PCDHGC4: variants seen among roughly 807,000 people sequenced by gnomAD.
The protein encoded by PCDHGC4 is protocadherin gamma-C4.
PCDHGC4 carries 15 observed loss-of-function variants against 59.7 expected under a neutral mutation model. The ratio of observed to expected loss-of-function variants is 0.25; its 90% CI spans 0.17 to 0.39. The LOEUF (loss-of-function observed/expected upper bound fraction) is 0.39, where lower values mean the gene tolerates loss of function less well. PCDHGC4 is among the 10% of genes least tolerant of loss of function. PCDHGC4 has a pLI of 1.00. For missense variants in PCDHGC4, 1,016 were observed against 1,189.5 expected (o/e 0.85, Z 2.15); for synonymous variants, 434 against 481.4 (o/e 0.90, Z 1.29).
chr5:141,511,695 C>A lies in PCDHGC4; in HGVS notation c.*522C>A, dbSNP rs1009832192. The A allele has an allele frequency of 9.7e-5, 19 of 195,544 alleles. No individual in the cohort carries two copies. The highest frequency in any genetic ancestry group is 1.7e-4 in the Non-Finnish European group (16 of 92,634). 12.1% of individuals were successfully genotyped at this position (195,544 alleles called of 1,614,324 possible). A position where few individuals can be genotyped will look rare whatever the true frequency, so the allele number is the denominator to read the frequency against. On this transcript the variant is annotated 3_prime_UTR_variant, in exon 4 of 4. Transcript: ENST00000306593. ...CTTCCCCCAAAGCATGGTTTGGTGC[C>A]AGCCCCTTCACCTCCTTCCAGAGCC...
chr5:141,485,949 T>C lies in PCDHGC4; in HGVS notation c.776T>C (p.Met259Thr). ...ISVLESAPAG[M>T]VLIQLNASDP... Reference sequence around the variant, plus strand: ...GTGTTGGAGAGCGCACCAGCGGGCATGGTGCTCATCCAGCTCAATGCCTCA... The same window carrying C: ...GTGTTGGAGAGCGCACCAGCGGGCACGGTGCTCATCCAGCTCAATGCCTCA... Residue 259 changes from methionine (M) to threonine (T), a missense_variant, in exon 1 of 4, where the codon ATG (methionine) becomes ACG (threonine). By Grantham distance (81) the Met-to-Thr change is moderately conservative. Transcript: ENST00000306593. This position sits in a 1 kb window ranked among gnomAD's most constrained non-coding sequence, Gnocchi z 5.7. 2 of 1,614,178 alleles carry C rather than the reference T, an allele frequency of 1.2e-6. No individual in the cohort carries two copies.
chr5:141,509,843 C>T (rs1596253565), intron 3 of PCDHGC4, among the ~76,000 whole-genome samples: 1 of 152,178 alleles, frequency 6.6e-6, no homozygotes, highest in African/African-American at 2.4e-5. Context: ...CTCCCATTCA[C>T]TCAGAACAGG....
In PCDHGC4 at chr5:141,489,456, G is replaced by A. The variant is rs1468723020; in HGVS notation, c.2442+1841G>A. The A allele has an allele frequency of 1.2e-6, 2 of 1,614,050 alleles. No homozygotes were observed. Among genetic ancestry groups the A allele is most frequent in the Non-Finnish European group, 1.7e-6 (2 of 1,180,016 alleles). ...TGCAATTGGGCTCTGAGGAGAATGG[G>A]CGCTATTTTTCCCTGAGCTTGATGA... On this transcript the variant is annotated intron_variant, in intron 1 of 3. Transcript: ENST00000306593. This position sits in a 1 kb window ranked among gnomAD's most constrained non-coding sequence, Gnocchi z 4.5.
chr5:141,510,252 G>A (rs1342841474), intron 3 of PCDHGC4, among the ~76,000 whole-genome samples: 4 of 148,432 alleles, frequency 2.7e-5, no homozygotes, highest in Admixed American at 1.3e-4. Context: ...CAGGCTGGGC[G>A]ACAGAGCAGG....
chr5:141,500,189 TTTA>T (rs780229863), intron 2 of PCDHGC4, among the ~76,000 whole-genome samples: 5,656 of 110,928 alleles, frequency 0.051, 122 homozygotes, highest in Middle Eastern at 0.14. Context: ...TTTATTTTTA[TTTA>T]TTTATTTATT....
In PCDHGC4 at chr5:141,503,993, C is replaced by T. The variant is rs376134059; in HGVS notation, c.2502-1400C>T. Reference sequence around the variant, plus strand: ...GTGCCAAACCCTTCTTCTTACCTTACAGTCACTTAACTGTCTCTGCTGGTC... The same window carrying T: ...GTGCCAAACCCTTCTTCTTACCTTATAGTCACTTAACTGTCTCTGCTGGTC... On this transcript the variant is annotated intron_variant, in intron 2 of 3. Transcript: ENST00000306593. Among the ~76,000 whole-genome samples, 13 of 152,312 alleles carry T rather than the reference C, an allele frequency of 8.5e-5. 1 individual carries two copies. In the East Asian group the frequency reaches 1.7e-3, roughly 20 times the overall value.
intron 2 of PCDHGC4, among the ~76,000 whole-genome samples, chr5:141,499,301 TC>T (rs771049830): frequency 6.6e-6 from 1 of 152,166 alleles, no homozygotes; most frequent in Non-Finnish European, 1.5e-5. Context: ...CTACCATCCC[TC>T]CTCTGAGAGA....
At chr5:141,504,429 G>T (rs947508365) in intron 2 of PCDHGC4, among the ~76,000 whole-genome samples, 1 of 152,124 alleles carries the variant, frequency 6.6e-6, no homozygotes, top group Non-Finnish European at 1.5e-5. Context: ...CACTACAACA[G>T]CTGCAGTGTG....
In PCDHGC4 at chr5:141,490,084, G is replaced by A. The variant is rs772917260; in HGVS notation, c.2442+2469G>A. The A allele has an allele frequency of 4.3e-6, 7 of 1,614,104 alleles. No individual in the cohort carries two copies. ...CAACGGCCAACTAGACTATTCTTTT[G>A]GAGACCACACATCTGAGGCAGTGCG... On this transcript the variant is annotated intron_variant, in intron 1 of 3. Transcript: ENST00000306593. The surrounding 1 kb of genome is among the most constrained non-coding windows in gnomAD (Gnocchi z 5.4).
intron 3 of PCDHGC4, among the ~76,000 whole-genome samples, chr5:141,509,381 C>T (rs181928019): frequency 6.6e-6 from 1 of 152,256 alleles, no homozygotes; most frequent in East Asian, 1.9e-4. Flanking sequence ...TGTCTCCTAA[C>T]CACAGAGGAT....
Position 141,487,548 on chromosome 5 carries a change from G to T in PCDHGC4, c.2375G>T (p.Ser792Ile). The T allele has an allele frequency of 6.2e-7, 1 of 1,614,190 alleles. No homozygotes were observed. Among genetic ancestry groups the T allele is most frequent in the Non-Finnish European group, 8.5e-7 (1 of 1,180,038 alleles). ...SDSFMMVKSP[S>I]APMAGEPVRP... ...AGCTTCATGATGGTGAAGTCACCCA[G>T]TGCACCTATGGCAGGGGAGCCTGTT... is the stretch of plus-strand genomic sequence containing the variant. Residue 792 changes from serine to isoleucine, a missense_variant, in exon 1 of 4, where the codon AGT becomes ATT. Ser to Ile is a moderately radical substitution (Grantham distance 142). Coordinates refer to ENST00000306593, the MANE Select transcript of PCDHGC4 (RefSeq NM_018928.3). The surrounding 1 kb of genome is among the most constrained non-coding windows in gnomAD (Gnocchi z 5.0).
chr5:141,508,535 C>A (rs1294413041), intron 3 of PCDHGC4, among the ~76,000 whole-genome samples: 1 of 152,172 alleles, frequency 6.6e-6, no homozygotes, highest in Non-Finnish European at 1.5e-5. Context: ...GGGCACCCCC[C>A]ACGAGGTGGG....
chr5:141,489,804 G>A lies in PCDHGC4; in HGVS notation c.2442+2189G>A, dbSNP rs2099692572. 1 of 1,614,056 alleles carries A rather than the reference G, an allele frequency of 6.2e-7. No homozygotes were observed. The highest frequency in any genetic ancestry group is 1.3e-5 in the African/African-American group (1 of 74,932). ...TGAATGTGAAGACCCTAAAAGATGG[G>A]AAGCCATTCCCAGAGCTGGTGCTAG... On this transcript the variant is annotated intron_variant, in intron 1 of 3. Transcript: ENST00000306593. The surrounding 1 kb of genome is among the most constrained non-coding windows in gnomAD (Gnocchi z 4.5).
At position 141,486,315 on chromosome 5, in the gene PCDHGC4, C is replaced by T. The variant is rs1432435944; in HGVS notation, c.1142C>T (p.Ser381Leu). The T allele has an allele frequency of 6.2e-7, 1 of 1,614,066 alleles. No individual in the cohort carries two copies. Among genetic ancestry groups the T allele is most frequent in the East Asian group, 2.2e-5 (1 of 44,862 alleles). ...AGTGTGCAGGATCCAGACTCAGGGT[C>T]AAACGGAGATGTGAGCCTCCGCATT... The part of the protein sequence containing the change: ...LISVQDPDSG[S>L]NGDVSLRIPD... Residue 381 changes from serine (S) to leucine (L), a missense_variant, in exon 1 of 4, where the codon TCA (serine) becomes TTA (leucine). Transcript: ENST00000306593. The surrounding 1 kb of genome is among the most constrained non-coding windows in gnomAD (Gnocchi z 5.0).
rs767497197 is a variant in PCDHGC4, at chr5:141,486,350, T to C, written c.1177T>C (p.Leu393=). The C allele has an allele frequency of 6.2e-7, 1 of 1,614,128 alleles. No homozygotes were observed. Among genetic ancestry groups the C allele is most frequent in the South Asian group, 1.1e-5 (1 of 91,074 alleles). Residue 393 remains leucine (L), a synonymous_variant, in exon 1 of 4, where the codon TTG becomes CTG. Transcript: ENST00000306593. The surrounding 1 kb of genome is among the most constrained non-coding windows in gnomAD (Gnocchi z 5.0). ...TGTGAGCCTCCGCATTCCTGACCAC[T>C]TGCCATTTGCCCTCAAGTCTGCCTT... ...GDVSLRIPDH[L]PFALKSAFRN... is the part of the protein sequence containing the mutation.
rs1229623400 is a variant in PCDHGC4, at chr5:141,505,984, T to A, written c.2590+503T>A. 4.6e-5 allele frequency among the ~76,000 whole-genome samples: 7 copies of A among 152,198 alleles called. No homozygotes were observed. In the East Asian group the frequency reaches 1.4e-3, roughly 30 times the overall value. On this transcript the variant is annotated intron_variant, in intron 3 of 3. Coordinates refer to ENST00000306593, the MANE Select transcript of PCDHGC4 (RefSeq NM_018928.3). ...AGAAATCCCCAGCCGAGAGAACACC[T>A]CCTCTTTATGCGAGGCTCCTCTTTT...
chr5:141,489,093 A>T lies in PCDHGC4; in HGVS notation c.2442+1478A>T. ...GCCCACCCCCGCCACTCGGTGACTA[A>T]GAACTGCTGCAAGCAGGCAAACCTC... is the stretch of plus-strand genomic sequence containing the variant. On this transcript the variant is annotated intron_variant, in intron 1 of 3. Coordinates refer to ENST00000306593, the MANE Select transcript of PCDHGC4 (RefSeq NM_018928.3). This position sits in a 1 kb window ranked among gnomAD's most constrained non-coding sequence, Gnocchi z 4.5. 2.1e-6 allele frequency: 1 copy of T among 477,272 alleles called. No individual in the cohort carries two copies. Among genetic ancestry groups the T allele is most frequent in the Non-Finnish European group, 3.6e-6 (1 of 276,700 alleles). The allele number at this position is 477,272 out of a possible 1,614,324, so 29.6% of individuals were successfully genotyped here.
At position 141,512,133 on chromosome 5, in the gene PCDHGC4, G is replaced by C. The variant is rs1394116556; in HGVS notation, c.*960G>C. 1 of 152,708 alleles carries C rather than the reference G, an allele frequency of 6.5e-6. No homozygotes were observed. Among genetic ancestry groups the C allele is most frequent in the Non-Finnish European group, 1.5e-5 (1 of 68,102 alleles). The allele number at this position is 152,708 out of a possible 1,614,324, so 9.5% of individuals were successfully genotyped here. On this transcript the variant is annotated 3_prime_UTR_variant, in exon 4 of 4. Transcript: ENST00000306593. ...CCACTACATAATAGGGCTCAGCCCA[G>C]GCAGCCAGCTTTGGGCTGAGCTAAC...
rs1188870363 is a variant in PCDHGC4 at position 141,490,058 on chromosome 5, C to T, written c.2442+2443C>T. ...AATGCCACTGATCCAGACGAGGGCA[C>T]CAACGGCCAACTAGACTATTCTTTT... On this transcript the variant is annotated intron_variant, in intron 1 of 3. Coordinates refer to ENST00000306593, the MANE Select transcript of PCDHGC4 (RefSeq NM_018928.3). The surrounding 1 kb of genome is among the most constrained non-coding windows in gnomAD (Gnocchi z 5.4). The T allele has an allele frequency of 6.2e-7, 1 of 1,614,230 alleles. No individual in the cohort carries two copies. Among genetic ancestry groups the T allele is most frequent in the South Asian group, 1.1e-5 (1 of 91,084 alleles).
Sources: allele counts gnomAD v4.1 joint callset (sites outside exome capture counted in the v4.1 genomes callset), GRCh38; gene constraint gnomAD v4.1.1; non-coding constraint Gnocchi (gnomAD v3.1); transcripts MANE v1.5; gene names NCBI Gene and HGNC (gene_info 2026-07-23, HGNC 2026-07-21).